The following TMCO4 variants were observed in gnomAD, a reference collection of about 807,000 sequenced individuals.
TMCO4 encodes the protein transmembrane and coiled-coil domain-containing protein 4.
Under a neutral mutation model 64.7 loss-of-function variants are expected in TMCO4, and 58 were observed. That is an observed-to-expected ratio of 0.90 (90% CI 0.73 to 1.12). The LOEUF (loss-of-function observed/expected upper bound fraction) is 1.12, where lower values mean the gene tolerates loss of function less well. Among genes scored for constraint, TMCO4 ranks in the 50% most tolerant of loss-of-function variants. The pLI is 0.00. For synonymous variants in TMCO4, 325 were observed against 346.1 expected (o/e 0.94, Z 0.68); for missense variants, 780 against 825.9 (o/e 0.94, Z 0.68).
At chr1:19,747,777 A>G (rs2041856723) in intron 7 of TMCO4, among the ~76,000 whole-genome samples, 1 of 152,186 alleles carries the variant, frequency 6.6e-6, no homozygotes, top group African/African-American at 2.4e-5. Context: ...GAAATGCTAG[A>G]AAATCTAGCA....
At chr1:19,689,402 C>G (rs1029192976) in intron 15 of TMCO4, among the ~76,000 whole-genome samples, 2 of 152,126 alleles carry the variant, frequency 1.3e-5, no homozygotes, top group Non-Finnish European at 2.9e-5. Flanking sequence ...GGCAAACAAA[C>G]TGGGGGTGGT....
At chr1:19,752,357 A>G (rs1323328205) in intron 7 of TMCO4, among the ~76,000 whole-genome samples, 9 of 152,208 alleles carry the variant, frequency 5.9e-5, no homozygotes, top group Admixed American at 5.9e-4. Flanking sequence ...AGCGAACCTG[A>G]GCTGCCCAAA....
chr1:19,793,313 G>A (rs1027986781), intron 2 of TMCO4, among the ~76,000 whole-genome samples: 4 of 152,044 alleles, frequency 2.6e-5, no homozygotes, highest in African/African-American at 9.7e-5. Flanking sequence ...TTATTCTGGG[G>A]CCAAGGAGAA....
At chr1:19,757,823 C>T (rs1211673959) in intron 6 of TMCO4, among the ~76,000 whole-genome samples, 1 of 152,262 alleles carries the variant, frequency 6.6e-6, no homozygotes, top group African/African-American at 2.4e-5. Context: ...GTGAATGAAC[C>T]AATGAATAAA....
chr1:19,782,289 C>T (rs375053080), intron 3 of TMCO4, among the ~76,000 whole-genome samples: 2 of 152,124 alleles, frequency 1.3e-5, no homozygotes, highest in East Asian at 1.9e-4. Context: ...AAGCCATTCA[C>T]GAGAGAGTAC....
At chr1:19,701,037 C>G in intron 13 of TMCO4, 152 bp from the exon 14 acceptor site, 1 of 630,590 alleles carries the variant, frequency 1.6e-6, no homozygotes. Context: ...CATGTACACA[C>G]ATGCAAACAC....
intron 2 of TMCO4, among the ~76,000 whole-genome samples, chr1:19,792,699 CT>C (rs2044103736): frequency 6.7e-6 from 1 of 149,022 alleles, no homozygotes; most frequent in South Asian, 2.1e-4. Flanking sequence ...TTTGTTTTTT[CT>C]TTACATGCCA....
intron 14 of TMCO4, among the ~76,000 whole-genome samples, chr1:19,700,495 C>G (rs982160979): frequency 2.8e-4 from 42 of 152,148 alleles, no homozygotes; most frequent in African/African-American, 9.7e-4. Context: ...CCAAGCCGCC[C>G]CAGCCTCTCC....
intron 6 of TMCO4, among the ~76,000 whole-genome samples, chr1:19,763,178 C>T (rs143585418): frequency 1.9e-3 from 294 of 152,042 alleles, no homozygotes; most frequent in Middle Eastern, 3.4e-3. Context: ...AGGGTTCAAG[C>T]GATTCTTGTT....
intron 5 of TMCO4, 140 bp downstream of exon 5, chr1:19,771,168 A>T: frequency 1.1e-6 from 1 of 912,744 alleles, no homozygotes; most frequent in Non-Finnish European, 1.7e-6. Flanking sequence ...AACATCAGCT[A>T]TGATCATGAT....
chr1:19,780,751 A>G lies in TMCO4; in HGVS notation c.8T>C (p.Met3Thr). MAMWNRPCQRLPQ... is the reference protein window; with the variant it reads MATWNRPCQRLPQ... ...CAGCCTCTGGCATGGCCTGTTCCAC[A>G]TGGCCATTCCCAGCGCTGCAGGAGA... is the stretch of plus-strand genomic sequence containing the variant. The change falls in exon 4 of 16, where the codon ATG (methionine) becomes ACG (threonine). Residue 3 changes from methionine (M) to threonine (T), a missense_variant. Coordinates refer to ENST00000294543, the MANE Select transcript of TMCO4 (RefSeq NM_181719.7). The G allele has an allele frequency of 6.3e-7, 1 of 1,576,982 alleles. No homozygotes were observed. Among genetic ancestry groups the G allele is most frequent in the Non-Finnish European group, 8.6e-7 (1 of 1,167,222 alleles).
In TMCO4 at chr1:19,682,785, G is replaced by T. The variant is rs957093523; in HGVS notation, c.*255C>A. On this transcript the variant is annotated 3_prime_UTR_variant, in exon 16 of 16. Coordinates refer to ENST00000294543, the MANE Select transcript of TMCO4 (RefSeq NM_181719.7). ...CTCTAACCTGTGCTTGGTTGACTCT[G>T]CAGGTCTCTGATGAGGGGGCAGCTG... is the stretch of plus-strand genomic sequence containing the variant. The T allele has an allele frequency of 2.8e-6, 2 of 718,056 alleles. No individual in the cohort carries two copies. The highest frequency in any genetic ancestry group is 2.0e-5 in the Admixed American group (1 of 49,932). 44.5% of individuals were successfully genotyped at this position (718,056 alleles called of 1,614,324 possible). A position where few individuals can be genotyped will look rare whatever the true frequency, so the allele number is the denominator to read the frequency against.
intron 3 of TMCO4, among the ~76,000 whole-genome samples, chr1:19,783,567 C>T (rs2101085721): frequency 6.6e-6 from 1 of 152,330 alleles, no homozygotes; most frequent in South Asian, 2.1e-4. Flanking sequence ...ACTTTTACAG[C>T]ACATAACTGT....
At chr1:19,708,793 C>T (rs1212124900) in intron 13 of TMCO4, among the ~76,000 whole-genome samples, 7 of 152,132 alleles carry the variant, frequency 4.6e-5, no homozygotes, top group South Asian at 2.1e-4. Flanking sequence ...ATGCCTGTCA[C>T]GCTGTCAGTA....
At position 19,700,872 on chromosome 1, in the gene TMCO4, G is replaced by C. The variant is rs2095267456; in HGVS notation, c.1278C>G (p.Ile426Met). The change falls in exon 14 of 16, where the codon ATC (isoleucine) becomes ATG (methionine). Residue 426 changes from isoleucine to methionine, a missense_variant. Physicochemically the swap from Ile to Met is conservative, Grantham distance 10. Transcript: ENST00000294543. The part of the protein sequence containing the change: ...EMAQEKDCQG[I>M]IEDVILLGAP... ...CACCCAGCAGGATGACGTCCTCGAT[G>C]ATTCCTTGGCAATCTGGCAAAAGAC... 1.2e-6 allele frequency: 2 copies of C among 1,614,078 alleles called. No individual in the cohort carries two copies. The highest frequency in any genetic ancestry group is 1.7e-5 in the Admixed American group (1 of 60,008).
chr1:19,729,769 T>C (rs541153686), intron 13 of TMCO4, among the ~76,000 whole-genome samples: 14 of 151,960 alleles, frequency 9.2e-5, no homozygotes, highest in Non-Finnish European at 1.9e-4. Context: ...TCTCAAAAAA[T>C]AAATAAATAA....
intron 15 of TMCO4, among the ~76,000 whole-genome samples, chr1:19,690,003 G>C (rs760228085): frequency 2.0e-5 from 3 of 152,240 alleles, no homozygotes; most frequent in Non-Finnish European, 4.4e-5. Context: ...GACCCAGAGT[G>C]AGAACTTCTG....
chr1:19,739,910 C>T lies in TMCO4; in HGVS notation c.1093G>A (p.Val365Ile). The change falls in exon 12 of 16, where the codon GTC becomes ATC. Residue 365 changes from valine (V) to isoleucine (I), a missense_variant. Val to Ile is a conservative substitution (Grantham distance 29). Transcript: ENST00000294543. Reference sequence around the variant, plus strand: ...CACACCCCCCAGGGGTTGTCGATGACATTGGCGACACTGAGGAGTGAGGCT... The same window carrying T: ...CACACCCCCCAGGGGTTGTCGATGATATTGGCGACACTGAGGAGTGAGGCT... ...WPASLLSVAN[V>I]IDNPWGVCLH... 8 of 1,614,040 alleles carry T rather than the reference C, an allele frequency of 5.0e-6. No individual in the cohort carries two copies. The highest frequency in any genetic ancestry group is 5.9e-6 in the Non-Finnish European group (7 of 1,179,996).
intron 13 of TMCO4, among the ~76,000 whole-genome samples, chr1:19,726,569 C>T (rs2095409630): frequency 6.6e-6 from 1 of 152,122 alleles, no homozygotes; most frequent in East Asian, 1.9e-4. Context: ...GCCTTAGTTT[C>T]CTCATCTGTA....
Sources: allele counts gnomAD v4.1 joint callset (sites outside exome capture counted in the v4.1 genomes callset), GRCh38; gene constraint gnomAD v4.1.1; transcripts MANE v1.5; gene names NCBI Gene and HGNC (gene_info 2026-07-23, HGNC 2026-07-21).